Variants in SLC25A13 observed in about 807,000 individuals in gnomAD.
The protein encoded by SLC25A13 is solute carrier family 25 member 13.
In SLC25A13, 70 loss-of-function variants were observed where a neutral mutation model predicts 85.5. That is an observed-to-expected ratio of 0.82 (90% CI 0.68 to 1.00). The LOEUF (loss-of-function observed/expected upper bound fraction) is 1.00. Ranked by LOEUF, SLC25A13 falls within the 50% of genes least tolerant of loss-of-function variation. SLC25A13 has a pLI of 0.00. For missense variants in SLC25A13, 765 were observed against 819.8 expected, an observed-to-expected ratio of 0.93 and a Z score of 0.82; for synonymous variants, 259 against 288.7, an observed-to-expected ratio of 0.90 and a Z score of 1.04.
intron 5 of SLC25A13, among the ~76,000 whole-genome samples, chr7:96,199,316 A>C (rs923879335): frequency 5.9e-5 from 9 of 152,206 alleles, no homozygotes; most frequent in African/African-American, 2.2e-4. Context: ...TGATTGTAGA[A>C]ATGGGTGAGA....
intron 13 of SLC25A13, among the ~76,000 whole-genome samples, chr7:96,154,062 AC>A (rs973301465): frequency 2.6e-5 from 4 of 152,276 alleles, no homozygotes; most frequent in African/African-American, 9.6e-5. Context: ...AAATATTATA[AC>A]TTTTTCCTAA....
In SLC25A13 at chr7:96,280,659, G is replaced by A. The variant is rs150336986; in HGVS notation, c.70-3321C>T. Among the ~76,000 whole-genome samples, 240 of 152,238 alleles carry A rather than the reference G, an allele frequency of 1.6e-3. 2 individuals are homozygous for A. Among genetic ancestry groups the A allele is most frequent in the Non-Finnish European group, 2.0e-3 (138 of 68,024 alleles). ...GAGCACAAAAGATTGAGGCTGCAGT[G>A]AGCCATGTTTGCATCACTATACTCC... On this transcript the variant is annotated intron_variant, in intron 2 of 17. Coordinates refer to ENST00000265631, the MANE Select transcript of SLC25A13 (RefSeq NM_014251.3).
At chr7:96,155,714 C>G (rs1793235586) in intron 13 of SLC25A13, among the ~76,000 whole-genome samples, 1 of 152,230 alleles carries the variant, frequency 6.6e-6, no homozygotes, top group African/African-American at 2.4e-5. Context: ...TGCAAACTCT[C>G]TCTTCTCCCC....
chr7:96,288,566 C>T (rs1798984074), intron 2 of SLC25A13, among the ~76,000 whole-genome samples: 1 of 152,218 alleles, frequency 6.6e-6, no homozygotes, highest in African/African-American at 2.4e-5. Context: ...GGGTCACTCC[C>T]ACCCTAATAC....
intron 5 of SLC25A13, among the ~76,000 whole-genome samples, chr7:96,205,559 A>G (rs1256861406): frequency 6.6e-6 from 1 of 152,220 alleles, no homozygotes; most frequent in Non-Finnish European, 1.5e-5. Flanking sequence ...AAATCTTTCC[A>G]TTCCAATGAG....
chr7:96,221,497 C>T (rs987276020), intron 4 of SLC25A13, among the ~76,000 whole-genome samples: 1 of 152,154 alleles, frequency 6.6e-6, no homozygotes, highest in African/African-American at 2.4e-5. Flanking sequence ...AGTAACGTTT[C>T]TTCTGATTCT....
intron 3 of SLC25A13, among the ~76,000 whole-genome samples, chr7:96,237,010 G>A (rs547213737): frequency 6.6e-6 from 1 of 152,280 alleles, no homozygotes; most frequent in Admixed American, 6.5e-5. Flanking sequence ...GTCCAAAGGT[G>A]CAACCCATGA....
At chr7:96,122,763 G>T (rs928344053) in intron 15 of SLC25A13, among the ~76,000 whole-genome samples, 1 of 152,130 alleles carries the variant, frequency 6.6e-6, no homozygotes. Flanking sequence ...TTACCAATGG[G>T]AAATTTTTCT....
At chr7:96,309,607 ACCAG>A (rs1263630887) in intron 1 of SLC25A13, 1 of 152,212 alleles carries the variant, frequency 6.6e-6, no homozygotes, top group Non-Finnish European at 1.5e-5. Context: ...GGACAATTCA[ACCAG>A]CAGTGTCTGA....
intron 15 of SLC25A13, among the ~76,000 whole-genome samples, chr7:96,128,939 G>GCTTGCTCGCTCTCTCTCTCTCTCT (rs1554336579): frequency 2.4e-5 from 2 of 81,850 alleles, no homozygotes; most frequent in African/African-American, 8.6e-5. Flanking sequence ...TGCCTTGCTT[G>GCTTGCTCGCTCTCTCTCTCTCTCT]CTCTCTCTCT....
At position 96,139,945 on chromosome 7, in the gene SLC25A13, C is replaced by CTTTTTTT. The variant is rs59749381; in HGVS notation, c.1452+6604_1452+6610dup. Among the ~76,000 whole-genome samples the CTTTTTTT allele has an allele frequency of 2.5e-4, 22 of 86,362 alleles. 1 individual carries two copies. The highest frequency in any genetic ancestry group is 3.3e-4 in the Non-Finnish European group (15 of 44,994). The allele number at this position is 86,362 out of a possible 152,430, so 56.7% of individuals were successfully genotyped here. On this transcript the variant is annotated intron_variant, in intron 14 of 17. Coordinates refer to ENST00000265631, the MANE Select transcript of SLC25A13 (RefSeq NM_014251.3). The stretch of plus-strand genomic sequence containing the variant: ...CTCCTTCAGATATCTGATTTCCATT[C>CTTTTTTT]TTTTTTTTTTTTTTTTTTTTTTTTT...
At chr7:96,165,308 G>C (rs1793699291) in intron 13 of SLC25A13, among the ~76,000 whole-genome samples, 1 of 152,156 alleles carries the variant, frequency 6.6e-6, no homozygotes, top group African/African-American at 2.4e-5. Context: ...CTGGCAGTGG[G>C]GAGGGTTAAC....
chr7:96,263,846 C>T (rs1797946018), intron 3 of SLC25A13, among the ~76,000 whole-genome samples: 1 of 152,124 alleles, frequency 6.6e-6, no homozygotes, highest in African/African-American at 2.4e-5. Flanking sequence ...CTTGCCATTA[C>T]CAAAAACTCC....
At chr7:96,164,725 C>CAA (rs1247534727) in intron 13 of SLC25A13, among the ~76,000 whole-genome samples, 1 of 151,848 alleles carries the variant, frequency 6.6e-6, no homozygotes, top group African/African-American at 2.4e-5. Context: ...CACACACACA[C>CAA]ACACACACAC....
At chr7:96,209,452 T>C (rs765381230) in intron 4 of SLC25A13, among the ~76,000 whole-genome samples, 11 of 151,554 alleles carry the variant, frequency 7.3e-5, no homozygotes, top group Non-Finnish European at 1.6e-4. Flanking sequence ...AGAAATCCAT[T>C]AGGAAAAAAT....
intron 5 of SLC25A13, among the ~76,000 whole-genome samples, chr7:96,195,294 A>G (rs1795017502): frequency 6.6e-6 from 1 of 152,316 alleles, no homozygotes; most frequent in East Asian, 1.9e-4. Context: ...TCACCTAGAA[A>G]GCTGTCATTC....
Position 96,234,849 on chromosome 7 carries a change from A to G in SLC25A13, c.281T>C (p.Val94Ala). Residue 94 changes from valine (V) to alanine (A), a missense_variant, in exon 4 of 18, where the codon GTA (valine) becomes GCA (alanine). Coordinates refer to ENST00000265631, the MANE Select transcript of SLC25A13 (RefSeq NM_014251.3). ...VLCAPDALFM[V>A]AFQLFDKAGK... ...AGCTTTGTCAAACAGCTGAAAGGCT[A>G]CCATAAACAAAGCATCAGGGGCACA... 6.2e-7 allele frequency: 1 copy of G among 1,613,980 alleles called. No homozygotes were observed. Among genetic ancestry groups the G allele is most frequent in the Non-Finnish European group, 8.5e-7 (1 of 1,179,876 alleles).
intron 3 of SLC25A13, among the ~76,000 whole-genome samples, chr7:96,258,517 G>T (rs985832886): frequency 6.6e-6 from 1 of 152,062 alleles, no homozygotes; most frequent in Non-Finnish European, 1.5e-5. Context: ...GGGATGTGAA[G>T]GACCTCTTCA....
At position 96,131,752 on chromosome 7, in the gene SLC25A13, C is replaced by T. The variant is rs1168611497; in HGVS notation, c.1582G>A (p.Ala528Thr). ...CATGGGGGACACTCACCAGCTATGG[C>T]ACCAGCTAAGAGCAGGCTTCCTGGG... ...VSPGSLLLAG[A>T]IAGMPAASLV... Residue 528 changes from alanine (A) to threonine (T), a missense_variant, in exon 15 of 18, where the codon GCC (alanine) becomes ACC (threonine). Coordinates refer to ENST00000265631, the MANE Select transcript of SLC25A13 (RefSeq NM_014251.3). 1 of 1,614,078 alleles carries T rather than the reference C, an allele frequency of 6.2e-7. No individual in the cohort carries two copies. Among genetic ancestry groups the T allele is most frequent in the Admixed American group, 1.7e-5 (1 of 60,022 alleles).
Sources: gnomAD v4.1 joint callset for allele counts (sites outside exome capture counted in the v4.1 genomes callset) on GRCh38, gnomAD v4.1.1 for gene constraint, MANE v1.5 for transcripts, NCBI Gene and HGNC (gene_info 2026-07-23, HGNC 2026-07-21) for gene names.